Variants in CDIN1 observed in about 807,000 individuals in gnomAD.
CDIN1 encodes CDAN1-interacting nuclease 1.
A neutral mutation model predicts 45.3 loss-of-function variants in CDIN1; 33 were observed. That is an observed-to-expected ratio of 0.73 (90% confidence interval 0.55 to 0.97). The LOEUF (loss-of-function observed/expected upper bound fraction) is 0.97, where lower values mean the gene tolerates loss of function less well. Among genes scored for constraint, CDIN1 ranks in the 50% least tolerant of loss-of-function variants. The pLI, the probability that CDIN1 is intolerant of heterozygous loss-of-function variation, is 0.00. For missense variants in CDIN1, 303 were observed against 339.4 expected (o/e 0.89, Z 0.84); for synonymous variants, 118 against 124.4 (o/e 0.95, Z 0.34).
At chr15:36,697,582 A>G (rs2042479639) in intron 8 of CDIN1, among the ~76,000 whole-genome samples, 192 bp downstream of exon 8, 2 of 152,220 alleles carry the variant, frequency 1.3e-5, no homozygotes, top group African/African-American at 2.4e-5. Flanking sequence ...CAAGCTTGCA[A>G]TTAATATTTT....
chr15:36,686,981 G>T (rs941298039), intron 5 of CDIN1, among the ~76,000 whole-genome samples: 1 of 140,352 alleles, frequency 7.1e-6, no homozygotes, highest in African/African-American at 2.7e-5. Flanking sequence ...GAAAGGAAGG[G>T]AGGGACAAAT....
chr15:36,628,457 C>T (rs2039542691), intron 1 of CDIN1, among the ~76,000 whole-genome samples: 1 of 152,108 alleles, frequency 6.6e-6, no homozygotes, highest in African/African-American at 2.4e-5. Context: ...TGTTTATATT[C>T]TTTCCAATAT....
chr15:36,694,891 T>C (rs2042370813), intron 7 of CDIN1, among the ~76,000 whole-genome samples: 1 of 152,238 alleles, frequency 6.6e-6, no homozygotes. Context: ...TAGAAGTAAA[T>C]AATTTAGTTC....
intron 10 of CDIN1, chr15:36,799,306 CTA>C (rs1218032778): frequency 2.8e-4 from 43 of 152,276 alleles, no homozygotes; most frequent in African/African-American, 1.0e-3. Flanking sequence ...ATGTCTTTTG[CTA>C]TGTTTGCTGT....
intron 1 of CDIN1, among the ~76,000 whole-genome samples, chr15:36,604,346 T>A (rs1296278038): frequency 6.6e-6 from 1 of 150,728 alleles, no homozygotes; most frequent in Non-Finnish European, 1.5e-5. Flanking sequence ...TAAATTTGAT[T>A]ACCATGTAGA....
chr15:36,797,844 G>T (rs2054859445), intron 10 of CDIN1, among the ~76,000 whole-genome samples: 1 of 151,826 alleles, frequency 6.6e-6, no homozygotes, highest in African/African-American at 2.4e-5. Flanking sequence ...GCTGGGCATG[G>T]TGGTGCATGC....
chr15:36,710,004 C>A, intron 10 of CDIN1, 43 bp downstream of exon 10: 1 of 1,399,492 alleles, frequency 7.1e-7, no homozygotes, highest in Non-Finnish European at 9.8e-7. Context: ...CGATACTCAG[C>A]TGAAATCTCA....
chr15:36,731,897 A>G (rs967833777), intron 10 of CDIN1, among the ~76,000 whole-genome samples: 4 of 152,140 alleles, frequency 2.6e-5, no homozygotes, highest in Admixed American at 2.6e-4. Flanking sequence ...TAAACTTGGG[A>G]TTTCTAAACA....
intron 10 of CDIN1, among the ~76,000 whole-genome samples, chr15:36,721,834 G>C (rs11632834): frequency 0.24 from 36,510 of 151,464 alleles, 4,496 homozygotes; most frequent in East Asian, 0.29. Flanking sequence ...TGCTGATATT[G>C]TGCCCTTTAA....
intron 10 of CDIN1, among the ~76,000 whole-genome samples, chr15:36,718,778 TA>T (rs139281228): frequency 0.01 from 1,536 of 150,646 alleles, 24 homozygotes; most frequent in African/African-American, 0.035. Flanking sequence ...ATGTTGTTTA[TA>T]AAGACTATTT....
At chr15:36,581,181 G>T (rs754746077) in intron 1 of CDIN1, among the ~76,000 whole-genome samples, 4 of 152,204 alleles carry the variant, frequency 2.6e-5, no homozygotes, top group Non-Finnish European at 5.9e-5. Context: ...CATGAACAGT[G>T]AAATGGGTGA....
intron 5 of CDIN1, among the ~76,000 whole-genome samples, chr15:36,688,123 G>A (rs1252751464): frequency 6.6e-6 from 1 of 151,814 alleles, no homozygotes; most frequent in East Asian, 1.9e-4. Context: ...AAGTGGGAAC[G>A]AGGAAATAAT....
At chr15:36,634,088 G>T (rs1017969968) in intron 1 of CDIN1, among the ~76,000 whole-genome samples, 2 of 151,876 alleles carry the variant, frequency 1.3e-5, no homozygotes, top group African/African-American at 4.8e-5. Flanking sequence ...ACAATTCTGT[G>T]TTTAGTCAAA....
chr15:36,685,501 T>G (rs2042008035), intron 5 of CDIN1, among the ~76,000 whole-genome samples: 1 of 152,124 alleles, frequency 6.6e-6, no homozygotes, highest in Non-Finnish European at 1.5e-5. Flanking sequence ...TACTTCCAAG[T>G]ATGTGGTCAT....
chr15:36,718,209 T>G, intron 10 of CDIN1, among the ~76,000 whole-genome samples: 1 of 152,166 alleles, frequency 6.6e-6, no homozygotes, highest in Middle Eastern at 3.2e-3. Flanking sequence ...TTCTGAGTTC[T>G]CTGTTTGTTC....
chr15:36,790,610 G>A (rs891043444), intron 10 of CDIN1, among the ~76,000 whole-genome samples: 10 of 152,100 alleles, frequency 6.6e-5, no homozygotes, highest in Non-Finnish European at 1.0e-4. Context: ...CACATTCTAC[G>A]CATGTAACAA....
At chr15:36,595,341 A>ATAATATAATATAAT (rs1566818867) in intron 1 of CDIN1, among the ~76,000 whole-genome samples, 1 of 120,480 alleles carries the variant, frequency 8.3e-6, no homozygotes, top group East Asian at 2.7e-4. Flanking sequence ...TATAATATAA[A>ATAATATAATATAAT]ATAATATGAT....
At chr15:36,771,462 G>A (rs1566962962) in intron 10 of CDIN1, among the ~76,000 whole-genome samples, 1 of 152,206 alleles carries the variant, frequency 6.6e-6, no homozygotes, top group Admixed American at 6.5e-5. Context: ...TGTGGCCTGG[G>A]CATCGATGTG....
intron 5 of CDIN1, among the ~76,000 whole-genome samples, chr15:36,689,715 CTTTTA>C (rs1243849058): frequency 3.9e-5 from 6 of 152,162 alleles, no homozygotes; most frequent in Middle Eastern, 3.4e-3. Context: ...GTAATCTTTT[CTTTTA>C]TAAGAAGATG....
Sources: allele counts gnomAD v4.1 joint callset (sites outside exome capture counted in the v4.1 genomes callset), GRCh38; gene constraint gnomAD v4.1.1; transcripts MANE v1.5; gene names NCBI Gene and HGNC (gene_info 2026-07-23, HGNC 2026-07-21).